Variants in GRIN2A observed in about 807,000 individuals in gnomAD.
GRIN2A encodes glutamate receptor ionotropic, NMDA 2A.
In GRIN2A, 22 loss-of-function variants were observed where a neutral mutation model predicts 113.4. That is an observed-to-expected ratio of 0.19 (90% CI 0.14 to 0.28). GRIN2A has a LOEUF of 0.28. GRIN2A is among the 10% of genes least tolerant of loss of function. The pLI is 1.00. For synonymous variants in GRIN2A, 827 were observed against 738.4 expected, an observed-to-expected ratio of 1.12 and a Z score of -1.94; for missense variants, 1,502 against 1,887.0, an observed-to-expected ratio of 0.80 and a Z score of 3.78.
At chr16:10,118,307 T>C (rs1231413301) in intron 2 of GRIN2A, among the ~76,000 whole-genome samples, 1 of 152,190 alleles carries the variant, frequency 6.6e-6, no homozygotes, top group Non-Finnish European at 1.5e-5. Context: ...TTTAGACTCC[T>C]GTCACTTATA....
chr16:10,111,459 C>T (rs1596517666), intron 2 of GRIN2A: 5 of 598,958 alleles, frequency 8.3e-6, no homozygotes, highest in East Asian at 3.1e-5. Context: ...TCTTCCTCGG[C>T]GCCAACTGCC....
chr16:9,916,832 AT>A (rs1246905858), intron 3 of GRIN2A, among the ~76,000 whole-genome samples: 1 of 152,134 alleles, frequency 6.6e-6, no homozygotes, highest in African/African-American at 2.4e-5. Flanking sequence ...TATGAAAGGA[AT>A]TTTCTTCTGG....
At chr16:9,776,030 G>A (rs1030406328) in intron 11 of GRIN2A, among the ~76,000 whole-genome samples, 12 of 152,174 alleles carry the variant, frequency 7.9e-5, no homozygotes, top group Admixed American at 6.5e-4. Flanking sequence ...CCTGTTCCGA[G>A]GTTATGCAGT....
intron 4 of GRIN2A, among the ~76,000 whole-genome samples, chr16:9,865,749 G>A (rs1273416676): frequency 6.6e-6 from 1 of 152,174 alleles, no homozygotes; most frequent in Non-Finnish European, 1.5e-5. Context: ...GCAGTGAATA[G>A]ACCCTAAACC....
chr16:9,813,319 A>G (rs2042121935), intron 10 of GRIN2A, among the ~76,000 whole-genome samples: 1 of 152,224 alleles, frequency 6.6e-6, no homozygotes, highest in Non-Finnish European at 1.5e-5. Context: ...TGAATTGTAT[A>G]TATGCGTTGA....
At chr16:10,145,606 C>T (rs1029441776) in intron 2 of GRIN2A, among the ~76,000 whole-genome samples, 7 of 151,988 alleles carry the variant, frequency 4.6e-5, no homozygotes, top group Non-Finnish European at 8.8e-5. Context: ...TTGCTAATCT[C>T]CATAGCAATA....
rs1421131339 is a variant in GRIN2A at position 9,756,625 on chromosome 16, T to TA, written c.*6523dup. 5.1e-6 allele frequency: 1 copy of TA among 196,302 alleles called. No homozygotes were observed. The highest frequency in any genetic ancestry group is 8.0e-5 in the East Asian group (1 of 12,574). The allele number at this position is 196,302 out of a possible 1,614,324, so 12.2% of individuals were successfully genotyped here. On this transcript the variant is annotated 3_prime_UTR_variant, in exon 13 of 13. Coordinates refer to ENST00000330684, the MANE Select transcript of GRIN2A (RefSeq NM_001134407.3). The stretch of plus-strand genomic sequence containing the variant: ...ACCTGAGCCTCAGTTTCCTTATCTG[T>TA]AAAATGGGAGCAATCATATTTATAT...
chr16:9,770,782 G>T (rs1377671530), intron 11 of GRIN2A, among the ~76,000 whole-genome samples: 5 of 152,096 alleles, frequency 3.3e-5, no homozygotes, highest in African/African-American at 1.2e-4. Flanking sequence ...AAAGTTAATA[G>T]ATTTTATTTT....
At chr16:9,786,280 T>C (rs1902224004) in intron 11 of GRIN2A, among the ~76,000 whole-genome samples, 1 of 152,180 alleles carries the variant, frequency 6.6e-6, no homozygotes, top group African/African-American at 2.4e-5. Flanking sequence ...CTTCTCTTAA[T>C]TACATTCTGT....
At position 9,938,031 on chromosome 16, in the gene GRIN2A, TAGG is replaced by T; in HGVS notation, c.932_934del (p.Ser311del). 4 of 1,614,074 alleles carry T rather than the reference TAGG, an allele frequency of 2.5e-6. No homozygotes were observed. The highest frequency in any genetic ancestry group is 3.4e-6 in the Non-Finnish European group (4 of 1,179,980). The stretch of plus-strand genomic sequence containing the variant: ...GCAGCTGGCCTTGGCCTCGGGGATG[TAGG>T]AGAACTTCTCCAGCATAGAAGATGC... On this transcript the variant is annotated inframe_deletion, in exon 3 of 13. Transcript: ENST00000330684.
At chr16:10,019,767 T>A (rs999160561) in intron 2 of GRIN2A, among the ~76,000 whole-genome samples, 3 of 152,166 alleles carry the variant, frequency 2.0e-5, no homozygotes, top group Non-Finnish European at 4.4e-5. Context: ...TACACTGACT[T>A]CCTGGCTGAC....
chr16:9,818,325 C>A (rs1164399063), intron 10 of GRIN2A, among the ~76,000 whole-genome samples: 2 of 150,412 alleles, frequency 1.3e-5, no homozygotes, highest in Non-Finnish European at 3.0e-5. Flanking sequence ...ATACCACCCA[C>A]CAAGAAAAAT....
In GRIN2A at chr16:9,940,059, A is replaced by AGT. The variant is rs1348841299; in HGVS notation, c.415-1509_415-1508insAC. Among the ~76,000 whole-genome samples, 901 of 145,392 alleles carry AGT rather than the reference A, an allele frequency of 6.2e-3. 4 individuals carry two copies. Among genetic ancestry groups the AGT allele is most frequent in the African/African-American group, 0.02 (752 of 38,534 alleles). On this transcript the variant is annotated intron_variant, in intron 2 of 12. Transcript: ENST00000330684. ...GAGAGAGAAAGAGAGAGAGAGAGAGAGAGTGTGTGTGTGTGTGTGTGTGTG... is the reference window on the plus strand; with the variant it reads ...GAGAGAGAAAGAGAGAGAGAGAGAGAGTGAGTGTGTGTGTGTGTGTGTGTGTG...
chr16:10,132,192 C>T (rs1006144214), intron 2 of GRIN2A, among the ~76,000 whole-genome samples: 5 of 151,658 alleles, frequency 3.3e-5, no homozygotes, highest in African/African-American at 1.2e-4. Flanking sequence ...ATTAGCCGGG[C>T]GTGGTGGTGC....
chr16:10,061,913 G>C (rs544950198), intron 2 of GRIN2A, among the ~76,000 whole-genome samples: 133 of 152,322 alleles, frequency 8.7e-4, no homozygotes, highest in Non-Finnish European at 1.5e-3. Flanking sequence ...TTCAGCCAGA[G>C]CCTGTCACTT....
At chr16:9,991,801 C>T (rs2046119061) in intron 2 of GRIN2A, among the ~76,000 whole-genome samples, 1 of 152,116 alleles carries the variant, frequency 6.6e-6, no homozygotes. Context: ...AACATAGGAA[C>T]ATAAAGCCAA....
intron 2 of GRIN2A, among the ~76,000 whole-genome samples, chr16:10,140,547 TC>T (rs945815066): frequency 2.6e-5 from 4 of 152,154 alleles, no homozygotes; most frequent in Non-Finnish European, 5.9e-5. Flanking sequence ...TTTTCTCTAG[TC>T]CAGAAAACAC....
At chr16:9,995,822 G>A (rs1337108623) in intron 2 of GRIN2A, among the ~76,000 whole-genome samples, 1 of 152,022 alleles carries the variant, frequency 6.6e-6, no homozygotes, top group African/African-American at 2.4e-5. Context: ...TCCATTTAAA[G>A]AGGGGATAGA....
chr16:9,974,718 C>T (rs2045742073), intron 2 of GRIN2A, among the ~76,000 whole-genome samples: 1 of 152,176 alleles, frequency 6.6e-6, no homozygotes, highest in Non-Finnish European at 1.5e-5. Context: ...AATACCAACC[C>T]TAAGTAGCCT....
Sources: allele counts gnomAD v4.1 joint callset (sites outside exome capture counted in the v4.1 genomes callset), GRCh38; gene constraint gnomAD v4.1.1; transcripts MANE v1.5; gene names NCBI Gene and HGNC (gene_info 2026-07-23, HGNC 2026-07-21).